The following ABCC1 variants were observed in gnomAD, a reference collection of about 807,000 sequenced individuals.
ABCC1 encodes ATP binding cassette subfamily C member 1 (ABCC1 blood group), also known as multidrug resistance-associated protein 1.
Under a neutral mutation model 172.9 loss-of-function variants are expected in ABCC1, and 83 were observed. The observed-to-expected ratio is 0.48, with a 90% CI of 0.40 to 0.58. The LOEUF is 0.58. Among genes scored for constraint, ABCC1 ranks in the 20% least tolerant of loss-of-function variants. The probability of loss-of-function intolerance (pLI) is 0.00; values close to 1 mark genes in which losing one functional copy is unlikely to be tolerated. For missense variants in ABCC1, 1,817 were observed against 2,002.7 expected (o/e 0.91, Z 1.77); for synonymous variants, 937 against 825.2 (o/e 1.14, Z -2.32).
In ABCC1 at chr16:16,084,155, T is replaced by C. The variant is rs192249855; in HGVS notation, c.2292+613T>C. ...TCTTGCTCTCTTGCCCAGGCTGGAGTGCAGTGGCACGATCTCAGCTCACTG... is the reference window on the plus strand; with the variant it reads ...TCTTGCTCTCTTGCCCAGGCTGGAGCGCAGTGGCACGATCTCAGCTCACTG... On this transcript the variant is annotated intron_variant, in intron 17 of 30. Coordinates refer to ENST00000399410, the MANE Select transcript of ABCC1 (RefSeq NM_004996.4). Among the ~76,000 whole-genome samples the C allele has an allele frequency of 9.5e-3, 1,451 of 152,278 alleles. 23 individuals are homozygous for C. The highest frequency in any genetic ancestry group is 0.011 in the Non-Finnish European group (765 of 68,028).
chr16:16,142,419 C>T lies in ABCC1; in HGVS notation c.*1138C>T, dbSNP rs973018026. Reference sequence around the variant, plus strand: ...TCAAAGTAAAGAACACGAAATACCTCCCAAGTATTACCAGTGGGTACCAAA... The same window carrying T: ...TCAAAGTAAAGAACACGAAATACCTTCCAAGTATTACCAGTGGGTACCAAA... On this transcript the variant is annotated 3_prime_UTR_variant, in exon 31 of 31. Transcript: ENST00000399410. 6.6e-6 allele frequency: 1 copy of T among 152,224 alleles called. No homozygotes were observed. The highest frequency in any genetic ancestry group is 2.4e-5 in the African/African-American group (1 of 41,446). The allele number at this position is 152,224 out of a possible 1,614,324, so 9.4% of individuals were successfully genotyped here.
chr16:16,120,357 G>A (rs117469001), intron 23 of ABCC1, among the ~76,000 whole-genome samples: 1,848 of 152,304 alleles, frequency 0.012, 50 homozygotes, highest in Middle Eastern at 0.01. Context: ...CTAGGAGAGC[G>A]CAGTGTCCTC....
chr16:15,959,543 C>T (rs1246770585), intron 1 of ABCC1, among the ~76,000 whole-genome samples: 1 of 152,124 alleles, frequency 6.6e-6, no homozygotes. Flanking sequence ...CCAGGCTTGT[C>T]TCAAACTCCT....
At position 16,114,924 on chromosome 16, in the gene ABCC1, C is replaced by G. The variant is rs753256465; in HGVS notation, c.3238C>G (p.Leu1080Val). The change falls in exon 23 of 31, where the codon CTG (leucine) becomes GTG (valine). Residue 1080 changes from leucine (L) to valine (V), a missense_variant. By Grantham distance (32) the Leu-to-Val change is conservative. Around this residue, in one of 3 missense-constraint regions of ABCC1, gnomAD observed 1,412 missense variants for 1,600.3 expected, o/e 0.88. Transcript: ENST00000399410. ...GNLVNRFSKE[L>V]DTVDSMIPEV... The stretch of plus-strand genomic sequence containing the variant: ...CCTGGTGAACCGCTTCTCCAAGGAG[C>G]TGGACACAGTGGACTCCATGATCCC... The G allele has an allele frequency of 6.8e-6, 11 of 1,613,924 alleles. No individual in the cohort carries two copies. Among genetic ancestry groups the G allele is most frequent in the Non-Finnish European group, 9.3e-6 (11 of 1,179,980 alleles).
At chr16:16,118,883 T>TTAA (rs1421384363) in intron 23 of ABCC1, among the ~76,000 whole-genome samples, 1 of 118,446 alleles carries the variant, frequency 8.4e-6, no homozygotes, top group African/African-American at 3.2e-5. Context: ...AAGTGTATAT[T>TTAA]AAAAAAAAAA....
intron 1 of ABCC1, among the ~76,000 whole-genome samples, chr16:16,005,763 G>A (rs2047507154): frequency 6.6e-6 from 1 of 152,144 alleles, no homozygotes; most frequent in Non-Finnish European, 1.5e-5. Flanking sequence ...TTCGAGACTA[G>A]ACTGGCCAAT....
chr16:16,000,969 C>T (rs1429924649), intron 1 of ABCC1, among the ~76,000 whole-genome samples: 1 of 152,176 alleles, frequency 6.6e-6, no homozygotes, highest in Non-Finnish European at 1.5e-5. Flanking sequence ...ACTGAAGAAA[C>T]CATTTATTTG....
intron 23 of ABCC1, among the ~76,000 whole-genome samples, chr16:16,116,860 CA>C (rs751101726): frequency 4.1e-4 from 62 of 152,122 alleles, no homozygotes; most frequent in Non-Finnish European, 7.9e-4. Flanking sequence ...TGAGCCCAGC[CA>C]GGGGCATTAT....
chr16:16,127,294 C>T (rs1350044871), intron 26 of ABCC1, among the ~76,000 whole-genome samples: 2 of 152,140 alleles, frequency 1.3e-5, no homozygotes, highest in Admixed American at 1.3e-4. Flanking sequence ...TCATTCGCTG[C>T]CTCCCAGGCT....
intron 19 of ABCC1, among the ~76,000 whole-genome samples, chr16:16,095,467 G>A (rs1243671169): frequency 1.3e-5 from 2 of 152,192 alleles, no homozygotes; most frequent in Non-Finnish European, 2.9e-5. Flanking sequence ...GCAGGGTAGA[G>A]GCCAGCGATG....
intron 5 of ABCC1, among the ~76,000 whole-genome samples, chr16:16,026,461 TTTCC>T (rs1361827394): frequency 2.7e-5 from 3 of 110,664 alleles, no homozygotes; most frequent in Non-Finnish European, 6.1e-5. Flanking sequence ...AAAAAGGCTA[TTTCC>T]TTTTTTTTTT....
intron 13 of ABCC1, among the ~76,000 whole-genome samples, chr16:16,069,584 G>C (rs528017026): frequency 6.6e-6 from 1 of 151,988 alleles, no homozygotes; most frequent in East Asian, 1.9e-4. Context: ...TAACTACATA[G>C]GCAAATCAAC....
intron 24 of ABCC1, 38 bp downstream of exon 24, chr16:16,122,212 C>A: frequency 1.2e-6 from 2 of 1,607,110 alleles, no homozygotes; most frequent in Non-Finnish European, 1.7e-6. Flanking sequence ...GTGGAGGAGG[C>A]CGCCTTAGCA....
chr16:15,999,107 T>C (rs1470844352), intron 1 of ABCC1, among the ~76,000 whole-genome samples: 1 of 152,092 alleles, frequency 6.6e-6, no homozygotes, highest in Non-Finnish European at 1.5e-5. Context: ...TTCATGCCAT[T>C]CTCCTGCCTC....
At chr16:16,101,735 G>C (rs4148367) in intron 19 of ABCC1, among the ~76,000 whole-genome samples, 1 of 152,068 alleles carries the variant, frequency 6.6e-6, no homozygotes, top group Non-Finnish European at 1.5e-5. Context: ...ATTGTGAACC[G>C]GGAAAGAGAT....
chr16:16,120,498 G>A (rs2045102945), intron 23 of ABCC1, among the ~76,000 whole-genome samples: 1 of 152,162 alleles, frequency 6.6e-6, no homozygotes, highest in African/African-American at 2.4e-5. Context: ...CCAGGTTGGG[G>A]GAGGCAGAGC....
chr16:16,090,474 G>A lies in ABCC1; in HGVS notation c.2530G>A (p.Gly844Ser), dbSNP rs186193767. Residue 844 changes from glycine (G) to serine (S), a missense_variant, in exon 19 of 31, where the codon GGC becomes AGC. Transcript: ENST00000399410. ...QVDVIIVMSG[G>S]KISEMGSYQE... ...GGACGTCATCATCGTCATGAGTGGCGGCAAGATCTCTGAGATGGGCTCCTA... is the reference window on the plus strand; with the variant it reads ...GGACGTCATCATCGTCATGAGTGGCAGCAAGATCTCTGAGATGGGCTCCTA... 202 of 1,613,862 alleles carry A rather than the reference G, an allele frequency of 1.3e-4. No homozygotes were observed. Among genetic ancestry groups the A allele is most frequent in the East Asian group, 6.9e-4 (31 of 44,872 alleles).
At position 16,106,856 on chromosome 16, in the gene ABCC1, A is replaced by C. The variant is rs1382296482; in HGVS notation, c.2854A>C (p.Lys952Gln). 2 of 1,614,124 alleles carry C rather than the reference A, an allele frequency of 1.2e-6. No homozygotes were observed. The highest frequency in any genetic ancestry group is 2.7e-5 in the African/African-American group (2 of 75,034). The part of the protein sequence containing the change: ...EETWKLMEAD[K>Q]AQTGQVKLSV... ...GACCTGGAAGCTGATGGAGGCTGAC[A>C]AGGCGCAGACAGGGCAGGTGAGATT... Residue 952 changes from lysine (K) to glutamine (Q), a missense_variant, in exon 21 of 31, where the codon AAG (lysine) becomes CAG (glutamine). Lys to Gln is a moderately conservative substitution (Grantham distance 53). Around this residue, in one of 3 missense-constraint regions of ABCC1, gnomAD observed 1,412 missense variants for 1,600.3 expected, o/e 0.88. Transcript: ENST00000399410.
chr16:16,018,271 A>G (rs1038201342), intron 5 of ABCC1, among the ~76,000 whole-genome samples: 1 of 152,078 alleles, frequency 6.6e-6, no homozygotes, highest in Admixed American at 6.6e-5. Context: ...GTCTCAGGCC[A>G]GGTGTGGTGG....
Sources: gnomAD v4.1 joint callset for allele counts (sites outside exome capture counted in the v4.1 genomes callset) on GRCh38, gnomAD v4.1.1 for gene constraint, gnomAD v4.1.1 regional missense constraint, MANE v1.5 for transcripts, NCBI Gene and HGNC (gene_info 2026-07-23, HGNC 2026-07-21) for gene names.